Variants in WDHD1 observed in about 807,000 individuals in gnomAD.
WDHD1 encodes WD repeat and HMG-box DNA binding protein 1.
WDHD1 carries 111 observed loss-of-function variants against 135.4 expected under a neutral mutation model. The ratio of observed to expected loss-of-function variants is 0.82; its 90% CI spans 0.70 to 0.96. The LOEUF is 0.96. WDHD1 is among the 40% of genes least tolerant of loss of function. The pLI is 0.00. For synonymous variants in WDHD1, 434 were observed against 439.0 expected, an observed-to-expected ratio of 0.99 and a Z score of 0.14; for missense variants, 1,351 against 1,336.3, an observed-to-expected ratio of 1.01 and a Z score of -0.17.
chr14:55,008,449 C>T, intron 5 of WDHD1, 83 bp from the exon 6 acceptor site: 1 of 1,505,264 alleles, frequency 6.6e-7, no homozygotes, highest in Middle Eastern at 1.8e-4. Flanking sequence ...AATCAAAAAG[C>T]CCTTTTATCA....
chr14:54,977,318 A>G (rs1424615684), intron 16 of WDHD1, among the ~76,000 whole-genome samples: 1 of 152,196 alleles, frequency 6.6e-6, no homozygotes, highest in Non-Finnish European at 1.5e-5. Context: ...TGTAGACCAA[A>G]TACAAAAATA....
chr14:54,991,179 C>A, intron 12 of WDHD1, 34 bp downstream of exon 12: 1 of 1,234,838 alleles, frequency 8.1e-7, no homozygotes. Context: ...TGCTGAAAAC[C>A]TACTAAGAAG....
chr14:55,002,234 T>C, intron 7 of WDHD1, 49 bp from the exon 8 acceptor site: 1 of 1,341,238 alleles, frequency 7.5e-7, no homozygotes. Context: ...TTAAATTGAA[T>C]TTGAAGAAGG....
chr14:54,978,323 C>T (rs1376945771), intron 16 of WDHD1, among the ~76,000 whole-genome samples: 3 of 152,122 alleles, frequency 2.0e-5, no homozygotes, highest in Non-Finnish European at 4.4e-5. Flanking sequence ...TGGCTTATAC[C>T]TATAATCCTA....
chr14:55,003,179 G>A (rs1198229291), intron 7 of WDHD1, among the ~76,000 whole-genome samples: 1 of 151,920 alleles, frequency 6.6e-6, no homozygotes, highest in East Asian at 1.9e-4. Flanking sequence ...ATTTCCTTGA[G>A]CTCAATTATC....
At chr14:55,010,987 A>C (rs1195175435) in intron 3 of WDHD1, among the ~76,000 whole-genome samples, 3 of 152,238 alleles carry the variant, frequency 2.0e-5, no homozygotes, top group Admixed American at 6.5e-5. Context: ...AGAACCCAGA[A>C]GACAGGAATG....
chr14:55,005,952 T>C (rs1362052471), intron 7 of WDHD1, among the ~76,000 whole-genome samples: 1 of 152,088 alleles, frequency 6.6e-6, no homozygotes, highest in African/African-American at 2.4e-5. Context: ...GCAGCCTTAA[T>C]CTCCTGGGCT....
intron 24 of WDHD1, among the ~76,000 whole-genome samples, chr14:54,946,208 T>C (rs1157453380): frequency 6.6e-6 from 1 of 152,176 alleles, no homozygotes; most frequent in African/African-American, 2.4e-5. Flanking sequence ...AAACCAAAAT[T>C]GAACATTTCT....
At position 54,995,798 on chromosome 14, in the gene WDHD1, C is replaced by G; in HGVS notation, c.958G>C (p.Glu320Gln). ...TSSSKVSSRV[E>Q]KDYNDLFDGD... ...TCAAAAAGATCATTATAATCCTTTT[C>G]CACTCTGCTAGATACCTTGAACAAA... Residue 320 changes from glutamate to glutamine, a missense_variant, in exon 11 of 26, where the codon GAA becomes CAA. By Grantham distance (29) the Glu-to-Gln change is conservative. Coordinates refer to ENST00000360586, the MANE Select transcript of WDHD1 (RefSeq NM_007086.4). 6.3e-7 allele frequency: 1 copy of G among 1,599,414 alleles called. No homozygotes were observed. The highest frequency in any genetic ancestry group is 8.5e-7 in the Non-Finnish European group (1 of 1,172,834).
Position 54,989,092 on chromosome 14 carries a change from T to C in WDHD1, c.1462A>G (p.Thr488Ala). The change falls in exon 13 of 26, where the codon ACA (threonine) becomes GCA (alanine). Residue 488 changes from threonine (T) to alanine (A), a missense_variant. Physicochemically the swap from Thr to Ala is moderately conservative, Grantham distance 58. Transcript: ENST00000360586. The stretch of plus-strand genomic sequence containing the variant: ...GCTTCGTGGGAAAGATCTGCTATTG[T>C]ATAATTCAAAGTGTTTGATAAGTGT... ...ATHLSNTLNYTIADLSHEAIL... is the reference protein window; with the variant it reads ...ATHLSNTLNYAIADLSHEAIL... The C allele has an allele frequency of 1.2e-6, 2 of 1,613,870 alleles. No homozygotes were observed. Among genetic ancestry groups the C allele is most frequent in the South Asian group, 1.1e-5 (1 of 91,058 alleles).
intron 18 of WDHD1, among the ~76,000 whole-genome samples, chr14:54,965,938 A>G (rs945682317): frequency 2.0e-5 from 3 of 150,988 alleles, no homozygotes; most frequent in Non-Finnish European, 4.4e-5. Flanking sequence ...CCTGAGAAAC[A>G]AGAGCGAAAC....
intron 1 of WDHD1, 26 bp from the exon 2 acceptor site, chr14:55,026,829 C>T (rs545259112): frequency 2.6e-5 from 41 of 1,607,426 alleles, no homozygotes; most frequent in Non-Finnish European, 3.3e-5. Flanking sequence ...AAAAGCCAGT[C>T]TTATTATTTC....
At chr14:54,982,118 T>C (rs894023742) in intron 15 of WDHD1, among the ~76,000 whole-genome samples, 1 of 152,038 alleles carries the variant, frequency 6.6e-6, no homozygotes, top group African/African-American at 2.4e-5. Context: ...GCCATTCTCC[T>C]GCCTCAGCCT....
intron 18 of WDHD1, among the ~76,000 whole-genome samples, chr14:54,964,886 T>C (rs543168977): frequency 1.3e-5 from 2 of 152,366 alleles, no homozygotes; most frequent in Non-Finnish European, 2.9e-5. Context: ...TATGTTTCCT[T>C]ATATGTGTTG....
At chr14:54,960,885 G>A (rs1236756492) in intron 21 of WDHD1, among the ~76,000 whole-genome samples, 3 of 152,062 alleles carry the variant, frequency 2.0e-5, no homozygotes, top group African/African-American at 4.8e-5. Flanking sequence ...CTGCACCCTC[G>A]AACTCCTGGG....
intron 11 of WDHD1, among the ~76,000 whole-genome samples, chr14:54,994,354 T>C (rs1259273850): frequency 1.3e-5 from 2 of 152,184 alleles, no homozygotes; most frequent in African/African-American, 4.8e-5. Flanking sequence ...CCTTTGATAT[T>C]AATAGTAGCA....
At chr14:54,955,895 CTTTTTTTT>C (rs71131243) in intron 23 of WDHD1, among the ~76,000 whole-genome samples, 5 of 110,096 alleles carry the variant, frequency 4.5e-5, no homozygotes, top group African/African-American at 1.8e-4. Flanking sequence ...CCATGTTTTC[CTTTTTTTT>C]TTTTTTTTTT....
intron 10 of WDHD1, among the ~76,000 whole-genome samples, chr14:54,997,089 C>CTTT (rs71131246): frequency 2.7e-4 from 11 of 41,218 alleles, no homozygotes; most frequent in African/African-American, 7.2e-4. Flanking sequence ...AGCGCCCAGC[C>CTTT]TTTTTTTTTT....
chr14:55,013,287 AT>A (rs1342011191), intron 3 of WDHD1, among the ~76,000 whole-genome samples, 197 bp downstream of exon 3: 1 of 151,384 alleles, frequency 6.6e-6, no homozygotes. Flanking sequence ...AAAAAGGTAT[AT>A]CTATATTCAA....
Sources: allele counts gnomAD v4.1 joint callset (sites outside exome capture counted in the v4.1 genomes callset), GRCh38; gene constraint gnomAD v4.1.1; transcripts MANE v1.5; gene names NCBI Gene and HGNC (gene_info 2026-07-23, HGNC 2026-07-21).